The following NOL4 variants were observed in gnomAD, a reference collection of about 807,000 sequenced individuals.
NOL4 encodes the protein cancer/testis antigen 125.
A neutral mutation model predicts 75.9 loss-of-function variants in NOL4; 17 were observed. That is an observed-to-expected ratio of 0.22 (90% confidence interval 0.15 to 0.34). The LOEUF (loss-of-function observed/expected upper bound fraction) is 0.34, where lower values mean the gene tolerates loss of function less well. NOL4 is among the 10% of genes least tolerant of loss of function. The pLI, the probability that NOL4 is intolerant of heterozygous loss-of-function variation, is 1.00. For missense variants in NOL4, 614 were observed against 793.5 expected (o/e 0.77, Z 2.72); for synonymous variants, 292 against 289.9 (o/e 1.01, Z -0.07).
intron 5 of NOL4, among the ~76,000 whole-genome samples, chr18:34,034,362 T>C (rs928660409): frequency 2.6e-5 from 4 of 152,096 alleles, no homozygotes; most frequent in African/African-American, 9.7e-5. Context: ...AACTACAAAC[T>C]GCTCACAAAA....
intron 9 of NOL4, among the ~76,000 whole-genome samples, chr18:33,888,216 T>G (rs2064879884): frequency 1.3e-5 from 2 of 152,222 alleles, no homozygotes; most frequent in Admixed American, 6.5e-5. Context: ...TGCATGAATG[T>G]CTTCTTTTGA....
chr18:34,105,675 T>C (rs1397892297), intron 2 of NOL4, among the ~76,000 whole-genome samples: 2 of 152,008 alleles, frequency 1.3e-5, no homozygotes, highest in Admixed American at 1.3e-4. Flanking sequence ...CTTATGTATA[T>C]ATTTACTGCA....
chr18:33,919,279 C>T (rs1189327373), intron 9 of NOL4, among the ~76,000 whole-genome samples: 2 of 152,064 alleles, frequency 1.3e-5, no homozygotes, highest in African/African-American at 2.4e-5. Flanking sequence ...GAACAAGGGA[C>T]CCTGATGTGT....
rs147178995 is a variant in NOL4, at chr18:33,944,737, T to C, written c.1429-1559A>G. 9.7e-3 allele frequency among the ~76,000 whole-genome samples: 1,479 copies of C among 151,962 alleles called. 22 individuals are homozygous for C. The highest frequency in any genetic ancestry group is 0.034 in the Middle Eastern group (10 of 294). Reference sequence around the variant, plus strand: ...TTAGAAAGCCAGGACTGGGTATTTGTAATAGAAAAGAGGGTCAAATGAGGC... The same window carrying C: ...TTAGAAAGCCAGGACTGGGTATTTGCAATAGAAAAGAGGGTCAAATGAGGC... On this transcript the variant is annotated intron_variant, in intron 8 of 10. Coordinates refer to ENST00000261592, the MANE Select transcript of NOL4 (RefSeq NM_003787.5).
chr18:34,081,171 C>A (rs1350890283), intron 5 of NOL4, among the ~76,000 whole-genome samples: 1 of 152,214 alleles, frequency 6.6e-6, no homozygotes, highest in African/African-American at 2.4e-5. Context: ...TTCTCAGGAC[C>A]ACAATATCTT....
intron 5 of NOL4, among the ~76,000 whole-genome samples, chr18:34,025,450 T>C (rs2075293582): frequency 6.6e-6 from 1 of 152,170 alleles, no homozygotes; most frequent in Non-Finnish European, 1.5e-5. Context: ...GAAGTCACTA[T>C]CAGTTTTGCT....
intron 6 of NOL4, among the ~76,000 whole-genome samples, chr18:33,990,295 A>G (rs2072818773): frequency 6.6e-6 from 1 of 152,026 alleles, no homozygotes; most frequent in Non-Finnish European, 1.5e-5. Flanking sequence ...CACTTCACTC[A>G]TTCTCTGAAA....
chr18:33,886,848 T>C (rs1384031846), intron 9 of NOL4, among the ~76,000 whole-genome samples: 8 of 142,620 alleles, frequency 5.6e-5, no homozygotes, highest in African/African-American at 2.1e-4. Context: ...TATATCTAGA[T>C]ATATCTACAT....
intron 2 of NOL4, among the ~76,000 whole-genome samples, chr18:34,107,903 T>C (rs62095777): frequency 0.021 from 3,225 of 152,120 alleles, 45 homozygotes; most frequent in Admixed American, 0.04. Flanking sequence ...GAGTAGAGCA[T>C]AGAAATAAGA....
At chr18:33,909,948 T>C (rs183503916) in intron 9 of NOL4, among the ~76,000 whole-genome samples, 2 of 152,130 alleles carry the variant, frequency 1.3e-5, no homozygotes, top group Non-Finnish European at 2.9e-5. Flanking sequence ...GAGAAAAACA[T>C]GTAAACCGAT....
chr18:33,867,706 C>T (rs749585381), intron 10 of NOL4, among the ~76,000 whole-genome samples: 18 of 151,744 alleles, frequency 1.2e-4, no homozygotes, highest in Admixed American at 4.6e-4. Context: ...AGAATTGGCT[C>T]ATGCAATTAT....
At chr18:34,190,288 C>A (rs1716008463) in intron 1 of NOL4, among the ~76,000 whole-genome samples, 1 of 151,788 alleles carries the variant, frequency 6.6e-6, no homozygotes, top group African/African-American at 2.4e-5. Flanking sequence ...GTAAGTATGG[C>A]TAGAGGCCAT....
intron 1 of NOL4, among the ~76,000 whole-genome samples, chr18:34,209,827 T>G (rs2036391490): frequency 6.6e-6 from 1 of 152,202 alleles, no homozygotes; most frequent in Non-Finnish European, 1.5e-5. Context: ...TTAAAGGGGT[T>G]AAAATAATGG....
At chr18:34,125,098 C>T (rs1374975581) in intron 2 of NOL4, among the ~76,000 whole-genome samples, 1 of 152,020 alleles carries the variant, frequency 6.6e-6, no homozygotes, top group East Asian at 1.9e-4. Flanking sequence ...ATTGATTCTC[C>T]ACCTTCTCTT....
chr18:33,897,608 T>C (rs1309772084), intron 9 of NOL4, among the ~76,000 whole-genome samples: 2 of 152,002 alleles, frequency 1.3e-5, no homozygotes. Flanking sequence ...TGGGTTCTAC[T>C]TGAGGAAGGT....
At chr18:34,129,076 T>G (rs1324051887) in intron 2 of NOL4, among the ~76,000 whole-genome samples, 1 of 151,912 alleles carries the variant, frequency 6.6e-6, no homozygotes, top group Non-Finnish European at 1.5e-5. Flanking sequence ...TCAATTTTCC[T>G]AGACAGGATG....
intron 6 of NOL4, among the ~76,000 whole-genome samples, chr18:33,997,337 G>C (rs1314202580): frequency 1.3e-5 from 2 of 151,810 alleles, no homozygotes; most frequent in Admixed American, 1.3e-4. Context: ...TGGGGTGTCT[G>C]TTCCCTATTG....
intron 1 of NOL4, among the ~76,000 whole-genome samples, chr18:34,212,311 T>C (rs1396299709): frequency 6.6e-6 from 1 of 152,160 alleles, no homozygotes; most frequent in Non-Finnish European, 1.5e-5. Context: ...ATAGACCATC[T>C]CATCAAAAAC....
chr18:34,223,008 G>T lies in NOL4; in HGVS notation c.246C>A (p.Tyr82Ter). 1 of 1,609,270 alleles carries T rather than the reference G, an allele frequency of 6.2e-7. No individual in the cohort carries two copies. The highest frequency in any genetic ancestry group is 8.5e-7 in the Non-Finnish European group (1 of 1,179,856). The part of the protein sequence containing the change: ...GGGGGAKQVL[Y>*]VPVKTTDGVG... ...CACTCACCGTGGTCTTGACAGGCAC[G>T]TAGAGCACTTGCTTGGCGCCGCCGC... The change falls in exon 1 of 11, where the codon TAC (tyrosine) becomes TAA (stop). Residue 82 changes from tyrosine to a stop codon, truncating the protein, a stop_gained. Transcript: ENST00000261592. LOFTEE classifies it high-confidence loss of function.
Sources: gnomAD v4.1 joint callset for allele counts (sites outside exome capture counted in the v4.1 genomes callset) on GRCh38, gnomAD v4.1.1 for gene constraint, MANE v1.5 for transcripts, NCBI Gene and HGNC (gene_info 2026-07-23, HGNC 2026-07-21) for gene names.